C13orf46: variants seen among roughly 807,000 people sequenced by gnomAD.
The protein encoded by C13orf46 is uncharacterized protein C13orf46.
chr13:113,946,342 G>T, the C13orf46 span, among the ~76,000 whole-genome samples: 2 of 152,208 alleles, frequency 1.3e-5, no homozygotes, highest in African/African-American at 4.8e-5. Flanking sequence ...TTGGAACAGG[G>T]TTTCCCAGGA....
chr13:113,962,551 A>C (rs2138983587), intron 6 of C13orf46, among the ~76,000 whole-genome samples: 1 of 152,220 alleles, frequency 6.6e-6, no homozygotes, highest in East Asian at 1.9e-4. Context: ...GGAAATCAGC[A>C]TTGGGTCTTG....
chr13:113,947,729 C>T, the C13orf46 span, among the ~76,000 whole-genome samples: 1 of 152,182 alleles, frequency 6.6e-6, no homozygotes, highest in African/African-American at 2.4e-5. Flanking sequence ...ACAAGCAGGT[C>T]CCGGACACAC....
chr13:113,941,679 A>G, the C13orf46 span, among the ~76,000 whole-genome samples: 1 of 152,186 alleles, frequency 6.6e-6, no homozygotes, highest in African/African-American at 2.4e-5. Flanking sequence ...ATGGAGACAC[A>G]GTTCCAGCCT....
intron 6 of C13orf46, among the ~76,000 whole-genome samples, chr13:113,960,200 G>GAGCT (rs1358606609): frequency 2.6e-5 from 4 of 152,016 alleles, no homozygotes; most frequent in Non-Finnish European, 4.4e-5. Flanking sequence ...AGCTTGCAGT[G>GAGCT]AGCTGAGATC....
chr13:113,935,973 T>TAGC, the C13orf46 span, among the ~76,000 whole-genome samples: 1 of 152,246 alleles, frequency 6.6e-6, no homozygotes, highest in Non-Finnish European at 1.5e-5. Context: ...TAGAGTTGTT[T>TAGC]AGCACTGAGT....
intron 6 of C13orf46, among the ~76,000 whole-genome samples, chr13:113,962,334 G>A (rs879159124): frequency 0.3 from 45,580 of 152,070 alleles, 7,700 homozygotes; most frequent in East Asian, 0.45. Context: ...TGAACCTGGG[G>A]GGCGGAGCTT....
At chr13:113,970,828 C>T (rs1029196217) in intron 1 of C13orf46, among the ~76,000 whole-genome samples, 3 of 152,184 alleles carry the variant, frequency 2.0e-5, no homozygotes, top group Non-Finnish European at 1.5e-5. Flanking sequence ...AGGACAGGGG[C>T]CCAGGAACAT....
the C13orf46 span, among the ~76,000 whole-genome samples, chr13:113,940,132 C>T: frequency 6.6e-6 from 1 of 152,228 alleles, no homozygotes; most frequent in Non-Finnish European, 1.5e-5. Flanking sequence ...GCGGGGGCTG[C>T]GCCTCGGCCT....
chr13:113,954,353 A>G lies in C13orf46; in HGVS notation c.*2420T>C, dbSNP rs1216489483. 6.6e-6 allele frequency: 1 copy of G among 152,318 alleles called. No homozygotes were observed. Among genetic ancestry groups the G allele is most frequent in the Admixed American group, 6.5e-5 (1 of 15,284 alleles). The allele number at this position is 152,318 out of a possible 1,614,324, so 9.4% of individuals were successfully genotyped here. ...ATGTGCTGTGTACATATGAATATGC[A>G]CGTGTGCGTGTCTGAACGAGAGGGC... On this transcript the variant is annotated 3_prime_UTR_variant, in exon 7 of 7. Transcript: ENST00000636427.
At chr13:113,933,149 G>A in the C13orf46 span, among the ~76,000 whole-genome samples, 2 of 152,232 alleles carry the variant, frequency 1.3e-5, no homozygotes, top group Admixed American at 6.5e-5. Context: ...ACAGGTGTGA[G>A]CCACTGCATC....
At chr13:113,962,910 C>T (rs1342620690) in intron 6 of C13orf46, among the ~76,000 whole-genome samples, 2 of 152,200 alleles carry the variant, frequency 1.3e-5, no homozygotes, top group Admixed American at 6.5e-5. Flanking sequence ...CTAGTGAAAG[C>T]TGGTGTGACC....
chr13:113,944,708 C>T, the C13orf46 span, among the ~76,000 whole-genome samples: 9 of 19,756 alleles, frequency 4.6e-4, no homozygotes, highest in South Asian at 2.6e-3. Context: ...GTGTGATGGG[C>T]CCTCCAGGTG....
the C13orf46 span, chr13:113,927,965 C>A: frequency 4.3e-6 from 1 of 235,040 alleles, no homozygotes; most frequent in African/African-American, 2.2e-5. Flanking sequence ...CCAGTTTTCC[C>A]TGAGAGAGGA....
chr13:113,937,055 C>G, the C13orf46 span, among the ~76,000 whole-genome samples: 1 of 152,138 alleles, frequency 6.6e-6, no homozygotes, highest in Non-Finnish European at 1.5e-5. Flanking sequence ...GGGTTATTAT[C>G]ATTTAAGCTA....
At chr13:113,935,430 G>A in the C13orf46 span, among the ~76,000 whole-genome samples, 1 of 152,262 alleles carries the variant, frequency 6.6e-6, no homozygotes, top group African/African-American at 2.4e-5. Context: ...TGGCCCTGGT[G>A]GAAGCCAGGA....
chr13:113,930,192 C>T, the C13orf46 span, among the ~76,000 whole-genome samples: 4 of 152,236 alleles, frequency 2.6e-5, no homozygotes, highest in African/African-American at 7.2e-5. Flanking sequence ...AGAGAAGCGC[C>T]ATCTGCACGG....
chr13:113,949,114 C>T (rs1036172229), downstream of C13orf46, among the ~76,000 whole-genome samples: 15 of 152,202 alleles, frequency 9.9e-5, no homozygotes, highest in Non-Finnish European at 2.2e-4. Context: ...ATCAATCATA[C>T]CTGTGTAATG....
At chr13:113,952,168 G>T (rs2138965025), downstream of C13orf46, among the ~76,000 whole-genome samples, 2 of 152,338 alleles carry the variant, frequency 1.3e-5, no homozygotes, top group South Asian at 4.1e-4. Context: ...GGAAGAGGTG[G>T]CCAGTGGCAC....
chr13:113,936,226 C>T, the C13orf46 span, among the ~76,000 whole-genome samples: 6 of 152,264 alleles, frequency 3.9e-5, no homozygotes, highest in East Asian at 1.9e-4. Context: ...ACTCAAGGCC[C>T]GGATAGAGCC....
Sources: allele counts gnomAD v4.1 joint callset (sites outside exome capture counted in the v4.1 genomes callset), GRCh38; gene constraint gnomAD v4.1.1; transcripts MANE v1.5; gene names NCBI Gene and HGNC (gene_info 2026-07-23, HGNC 2026-07-21).